The following UNC5D variants were observed in gnomAD, a reference collection of about 807,000 sequenced individuals.
The protein encoded by UNC5D is unc-5 netrin receptor D.
In UNC5D, 39 loss-of-function variants were observed where a neutral mutation model predicts 105.4. The ratio of observed to expected loss-of-function variants is 0.37; its 90% confidence interval spans 0.29 to 0.48. The LOEUF (loss-of-function observed/expected upper bound fraction) is 0.48. UNC5D is among the 20% of genes least tolerant of loss of function. The pLI is 0.98. For synonymous variants in UNC5D, 452 were observed against 450.4 expected, an observed-to-expected ratio of 1.00 and a Z score of -0.04; for missense variants, 991 against 1,202.4, an observed-to-expected ratio of 0.82 and a Z score of 2.60.
chr8:35,584,341 G>A (rs1315340775), intron 3 of UNC5D, among the ~76,000 whole-genome samples: 1 of 151,744 alleles, frequency 6.6e-6, no homozygotes, highest in East Asian at 1.9e-4. Context: ...GTGCTAAGAG[G>A]ATCATGAAAT....
At chr8:35,575,729 A>G (rs1037678007) in intron 3 of UNC5D, among the ~76,000 whole-genome samples, 2 of 152,210 alleles carry the variant, frequency 1.3e-5, no homozygotes, top group African/African-American at 2.4e-5. Flanking sequence ...ACAAGTGTCC[A>G]AAGCCAAGAG....
chr8:35,284,629 A>G (rs1010684991), intron 1 of UNC5D, among the ~76,000 whole-genome samples: 2 of 152,138 alleles, frequency 1.3e-5, no homozygotes, highest in African/African-American at 4.8e-5. Flanking sequence ...ACCTCAGCTC[A>G]CTATAAGCTC....
At chr8:35,271,711 A>G (rs1177533877) in intron 1 of UNC5D, among the ~76,000 whole-genome samples, 3 of 45,136 alleles carry the variant, frequency 6.6e-5, no homozygotes, top group African/African-American at 9.5e-5. Context: ...ATACATATAT[A>G]TTTATACATG....
At chr8:35,496,972 T>C (rs1811642023) in intron 1 of UNC5D, among the ~76,000 whole-genome samples, 1 of 152,130 alleles carries the variant, frequency 6.6e-6, no homozygotes, top group African/African-American at 2.4e-5. Context: ...CATTCATGAC[T>C]GAGGCCCCTA....
At chr8:35,788,696 ACACG>A (rs1269667263) in intron 16 of UNC5D, among the ~76,000 whole-genome samples, 4 of 151,812 alleles carry the variant, frequency 2.6e-5, no homozygotes, top group South Asian at 2.1e-4. Context: ...GAAAACACAC[ACACG>A]CACACACACA....
At chr8:35,713,658 A>T (rs918924537) in intron 8 of UNC5D, among the ~76,000 whole-genome samples, 1 of 152,222 alleles carries the variant, frequency 6.6e-6, no homozygotes, top group Admixed American at 6.5e-5. Context: ...GGAGCTGTAA[A>T]CATGTCTGAA....
At chr8:35,713,493 C>G (rs1828080263) in intron 8 of UNC5D, among the ~76,000 whole-genome samples, 3 of 152,166 alleles carry the variant, frequency 2.0e-5, no homozygotes, top group Admixed American at 1.3e-4. Context: ...CAATTACATT[C>G]AATTTTCAAA....
At chr8:35,585,165 G>A (rs1447841157) in intron 3 of UNC5D, among the ~76,000 whole-genome samples, 3 of 152,164 alleles carry the variant, frequency 2.0e-5, no homozygotes, top group Non-Finnish European at 4.4e-5. Flanking sequence ...GATACACAGT[G>A]CTAGTTATAA....
At chr8:35,562,133 T>A (rs1399463231) in intron 2 of UNC5D, among the ~76,000 whole-genome samples, 1 of 152,222 alleles carries the variant, frequency 6.6e-6, no homozygotes, top group Non-Finnish European at 1.5e-5. Context: ...TATTTGTCTC[T>A]GCACTTGGCT....
At chr8:35,489,490 T>G (rs1811059842) in intron 1 of UNC5D, among the ~76,000 whole-genome samples, 1 of 152,184 alleles carries the variant, frequency 6.6e-6, no homozygotes, top group Non-Finnish European at 1.5e-5. Flanking sequence ...CTTACTGATG[T>G]CCTTATACGA....
At chr8:35,593,787 A>C (rs1278768339) in intron 3 of UNC5D, among the ~76,000 whole-genome samples, 1 of 152,144 alleles carries the variant, frequency 6.6e-6, no homozygotes, top group Non-Finnish European at 1.5e-5. Context: ...AACAAAAAAA[A>C]CAGCTCCTTC....
At position 35,699,837 on chromosome 8, in the gene UNC5D, AAAG is replaced by A. The variant is rs1827061834; in HGVS notation, c.1085-6089_1085-6087del. ...ACCAAGATCTTTAAAAATGAACTGA[AAAG>A]AAAAACGCAATAAGGAAACTAAAAA... On this transcript the variant is annotated intron_variant, in intron 7 of 16. Transcript: ENST00000404895. Among the ~76,000 whole-genome samples the A allele has an allele frequency of 3.3e-5, 5 of 152,302 alleles. No individual in the cohort carries two copies. In the South Asian group the frequency reaches 1.0e-3, roughly 32 times the overall value.
At chr8:35,330,046 AAAT>A (rs1810494295) in intron 1 of UNC5D, among the ~76,000 whole-genome samples, 1 of 152,190 alleles carries the variant, frequency 6.6e-6, no homozygotes, top group South Asian at 2.1e-4. Flanking sequence ...GGAGAAAACT[AAAT>A]AATAATTGGA....
intron 11 of UNC5D, among the ~76,000 whole-genome samples, chr8:35,731,963 G>T (rs1006881177): frequency 6.6e-6 from 1 of 152,128 alleles, no homozygotes; most frequent in African/African-American, 2.4e-5. Flanking sequence ...AATGAAAATA[G>T]TTGGTTATTT....
At chr8:35,407,775 T>A (rs1242567100) in intron 1 of UNC5D, among the ~76,000 whole-genome samples, 1 of 152,084 alleles carries the variant, frequency 6.6e-6, no homozygotes, top group African/African-American at 2.4e-5. Context: ...CTGCTTATAA[T>A]TGAGAACATG....
intron 1 of UNC5D, among the ~76,000 whole-genome samples, chr8:35,341,686 C>T (rs1434596957): frequency 1.3e-5 from 2 of 152,008 alleles, no homozygotes; most frequent in African/African-American, 4.8e-5. Flanking sequence ...GGAGAAATAA[C>T]TACTAGCAAA....
chr8:35,357,920 A>G (rs992222146), intron 1 of UNC5D, among the ~76,000 whole-genome samples: 2 of 151,712 alleles, frequency 1.3e-5, no homozygotes, highest in Admixed American at 6.6e-5. Context: ...TTCTTTGCTT[A>G]TTACCTTCTT....
intron 1 of UNC5D, among the ~76,000 whole-genome samples, chr8:35,353,733 C>T (rs892067677): frequency 6.6e-6 from 1 of 151,702 alleles, no homozygotes; most frequent in Non-Finnish European, 1.5e-5. Flanking sequence ...TGAAAAAAAT[C>T]CAAAAAAGAT....
intron 3 of UNC5D, among the ~76,000 whole-genome samples, chr8:35,582,332 C>A (rs529192561): frequency 1.3e-5 from 2 of 152,292 alleles, no homozygotes; most frequent in African/African-American, 4.8e-5. Flanking sequence ...TTGCATCTTT[C>A]TTGTCAGTTC....
Sources: allele counts gnomAD v4.1 joint callset (sites outside exome capture counted in the v4.1 genomes callset), GRCh38; gene constraint gnomAD v4.1.1; transcripts MANE v1.5; gene names NCBI Gene and HGNC (gene_info 2026-07-23, HGNC 2026-07-21).